Variants in WDR36 observed in about 807,000 individuals in gnomAD.
WDR36 encodes WD repeat-containing protein 36.
WDR36 carries 63 observed loss-of-function variants against 112.7 expected under a neutral mutation model. That is an observed-to-expected ratio of 0.56 (90% CI 0.46 to 0.69). The LOEUF is 0.69. Ranked by LOEUF, WDR36 falls within the 30% of genes least tolerant of loss-of-function variation. WDR36 has a pLI of 0.00. For synonymous variants in WDR36, 410 were observed against 362.2 expected (o/e 1.13, Z -1.50); for missense variants, 1,226 against 1,070.3 (o/e 1.15, Z -2.03).
intron 19 of WDR36, among the ~76,000 whole-genome samples, chr5:111,122,034 G>C (rs1753577657): frequency 2.0e-5 from 3 of 152,164 alleles, no homozygotes; most frequent in African/African-American, 7.2e-5. Flanking sequence ...GGTAAGGAAA[G>C]AGAAGTTTTC....
chr5:111,110,224 A>G lies in WDR36; in HGVS notation c.1362A>G (p.Val454=), dbSNP rs1477943241. The change falls in exon 13 of 23, where the codon GTA becomes GTG. Residue 454 remains valine, a synonymous_variant. Transcript: ENST00000513710. ...VDITSCGNFA[V]IGLSSGTVDV... ...TAACTTCTTGTGGAAACTTTGCTGT[A>G]ATTGGCCTCTCATCAGGAACTGTAG... The G allele has an allele frequency of 6.2e-7, 1 of 1,610,810 alleles. No individual in the cohort carries two copies. Among genetic ancestry groups the G allele is most frequent in the Admixed American group, 1.7e-5 (1 of 59,818 alleles).
rs1423450202 is a variant in WDR36 at position 111,096,050 on chromosome 5, A to C, written c.191-1029A>C. 2.0e-5 allele frequency among the ~76,000 whole-genome samples: 3 copies of C among 152,234 alleles called. No individual in the cohort carries two copies. The East Asian group carries it at 5.8e-4, about 29-fold the overall frequency. Reference sequence around the variant, plus strand: ...GAACTTAAGTTGAATACAAAAGTGAATGATAAACTTATAAAACAGGGTTAT... The same window carrying C: ...GAACTTAAGTTGAATACAAAAGTGACTGATAAACTTATAAAACAGGGTTAT... On this transcript the variant is annotated intron_variant, in intron 2 of 22. Transcript: ENST00000513710.
chr5:111,098,675 G>C lies in WDR36; in HGVS notation c.292-47G>C, dbSNP rs34785215. The C allele has an allele frequency of 2.7e-3, 3,192 of 1,193,714 alleles. 8 individuals carry two copies. Among genetic ancestry groups the C allele is most frequent in the Non-Finnish European group, 3.6e-3 (2,907 of 797,070 alleles). 73.9% of individuals were successfully genotyped at this position (1,193,714 alleles called of 1,614,324 possible). ...TGGGATAATATGAATAATATGACAT[G>C]ATGACTGAGTAATAATATGAAATTC... On this transcript the variant is annotated intron_variant, in intron 3 of 22. Coordinates refer to ENST00000513710, the MANE Select transcript of WDR36 (RefSeq NM_139281.3).
chr5:111,093,666 T>C (rs1752915580), intron 1 of WDR36, among the ~76,000 whole-genome samples: 1 of 152,238 alleles, frequency 6.6e-6, no homozygotes, highest in African/African-American at 2.4e-5. Context: ...TTTTCTTCCT[T>C]GAAATGTAAT....
rs187485183 is a variant in WDR36 at position 111,096,947 on chromosome 5, C to T, written c.191-132C>T. 8 of 641,938 alleles carry T rather than the reference C, an allele frequency of 1.2e-5. 1 individual carries two copies. In the South Asian group the frequency reaches 1.5e-4, roughly 12 times the overall value. 39.8% of individuals were successfully genotyped at this position (641,938 alleles called of 1,614,324 possible). On this transcript the variant is annotated intron_variant, in intron 2 of 22. Transcript: ENST00000513710. The stretch of plus-strand genomic sequence containing the variant: ...AATATTTTAGTTAAAATTTTATACA[C>T]TGATTCTCAACTTTGATCTTTATTT...
intron 10 of WDR36, among the ~76,000 whole-genome samples, 189 bp from the exon 11 acceptor site, chr5:111,105,868 T>G: frequency 6.6e-6 from 1 of 151,766 alleles, no homozygotes; most frequent in Middle Eastern, 3.4e-3. Flanking sequence ...AGATTATTTT[T>G]AACAATATCT....
intron 22 of WDR36, 67 bp downstream of exon 22, chr5:111,125,862 T>G (rs1753670489): frequency 1.3e-6 from 2 of 1,572,416 alleles, no homozygotes; most frequent in Non-Finnish European, 1.7e-6. Flanking sequence ...CTAACAGAAC[T>G]TTCTGCAAAG....
chr5:111,101,327 C>A (rs1753116168), intron 5 of WDR36, among the ~76,000 whole-genome samples: 3 of 151,814 alleles, frequency 2.0e-5, no homozygotes, highest in Admixed American at 2.0e-4. Flanking sequence ...TAATAAAGGT[C>A]TATGAGATCC....
intron 3 of WDR36, among the ~76,000 whole-genome samples, chr5:111,097,437 G>A (rs184399172): frequency 6.4e-4 from 97 of 152,212 alleles, no homozygotes; most frequent in Admixed American, 2.8e-3. Flanking sequence ...TTTTTATGCC[G>A]TTAGTTCCCA....
intron 1 of WDR36, among the ~76,000 whole-genome samples, chr5:111,094,257 A>G (rs1370964): frequency 0.14 from 20,577 of 152,220 alleles, 1,471 homozygotes; most frequent in South Asian, 0.28. Flanking sequence ...TCTGTTTTAC[A>G]CAAATTTACT....
intron 21 of WDR36, among the ~76,000 whole-genome samples, chr5:111,124,524 T>C (rs1442206245): frequency 2.0e-5 from 3 of 152,142 alleles, no homozygotes; most frequent in African/African-American, 7.2e-5. Context: ...GTCGTTTTTG[T>C]AGCAAGTAAT....
At chr5:111,112,753 G>C (rs1284712040) in intron 15 of WDR36, among the ~76,000 whole-genome samples, 1 of 151,658 alleles carries the variant, frequency 6.6e-6, no homozygotes, top group African/African-American at 2.4e-5. Context: ...CATAAACATT[G>C]TCTATAAATA....
At chr5:111,096,714 GAAA>G (rs112648944) in intron 2 of WDR36, among the ~76,000 whole-genome samples, 1 of 141,856 alleles carries the variant, frequency 7.0e-6, no homozygotes, top group Non-Finnish European at 1.6e-5. Flanking sequence ...TCAAAAAAAA[GAAA>G]AAAAAAAAGA....
chr5:111,118,353 C>T (rs1441428851), intron 16 of WDR36, among the ~76,000 whole-genome samples: 1 of 152,158 alleles, frequency 6.6e-6, no homozygotes, highest in Non-Finnish European at 1.5e-5. Context: ...CTGTGAAGCC[C>T]ATTCTGAGTC....
rs1260840983 is a variant in WDR36, at chr5:111,123,400, ACT to A, written c.2149-402_2149-401del. Among the ~76,000 whole-genome samples the A allele has an allele frequency of 2.0e-4, 30 of 152,200 alleles. No homozygotes were observed. The East Asian group carries it at 5.6e-3, about 28-fold the overall frequency. On this transcript the variant is annotated intron_variant, in intron 19 of 22. Coordinates refer to ENST00000513710, the MANE Select transcript of WDR36 (RefSeq NM_139281.3). The stretch of plus-strand genomic sequence containing the variant: ...CCTTTGGAGAAAAGTAATTTAAGAA[ACT>A]CTTTTGTATTAAGCATTTATGTAAA...
intron 19 of WDR36, among the ~76,000 whole-genome samples, chr5:111,123,164 A>G (rs954596197): frequency 3.9e-5 from 6 of 152,154 alleles, no homozygotes; most frequent in Non-Finnish European, 8.8e-5. Context: ...ACCAAAACAA[A>G]ATTCTTTCAA....
chr5:111,092,650 A>C, intron 1 of WDR36, 32 bp downstream of exon 1: 2 of 1,599,260 alleles, frequency 1.3e-6, no homozygotes, highest in Non-Finnish European at 1.7e-6. Flanking sequence ...CTTCCCAGGA[A>C]AACCACCCTC....
chr5:111,094,098 A>G (rs1050905888), intron 1 of WDR36, among the ~76,000 whole-genome samples: 2 of 152,206 alleles, frequency 1.3e-5, no homozygotes, highest in Non-Finnish European at 2.9e-5. Context: ...TCCCATGACT[A>G]TGGCTATATA....
chr5:111,119,184 TG>T, intron 17 of WDR36, 64 bp downstream of exon 17: 2 of 1,311,124 alleles, frequency 1.5e-6, no homozygotes, highest in South Asian at 2.4e-5. Flanking sequence ...GAGTTAGAGT[TG>T]CTAAAATTGT....
Sources: gnomAD v4.1 joint callset for allele counts (sites outside exome capture counted in the v4.1 genomes callset) on GRCh38, gnomAD v4.1.1 for gene constraint, MANE v1.5 for transcripts, NCBI Gene and HGNC (gene_info 2026-07-23, HGNC 2026-07-21) for gene names.